KCNT2: variants seen among roughly 807,000 people sequenced by gnomAD.
KCNT2 encodes potassium channel subfamily T member 2.
Under a neutral mutation model 153.8 loss-of-function variants are expected in KCNT2, and 67 were observed. The observed-to-expected ratio is 0.44, with a 90% confidence interval of 0.36 to 0.53. KCNT2 has a LOEUF of 0.53. Ranked by LOEUF, KCNT2 falls within the 20% of genes least tolerant of loss-of-function variation. KCNT2 has a pLI of 0.00. For synonymous variants in KCNT2, 500 were observed against 458.8 expected (o/e 1.09, Z -1.15); for missense variants, 975 against 1,354.8 (o/e 0.72, Z 4.40).
At chr1:196,296,008 A>G (rs1660646972) in intron 22 of KCNT2, among the ~76,000 whole-genome samples, 1 of 152,006 alleles carries the variant, frequency 6.6e-6, no homozygotes, top group Non-Finnish European at 1.5e-5. Context: ...ATACACCAAA[A>G]CTGCTCCATA....
chr1:196,323,241 T>A (rs923918965), intron 19 of KCNT2, among the ~76,000 whole-genome samples: 1 of 151,978 alleles, frequency 6.6e-6, no homozygotes, highest in East Asian at 1.9e-4. Context: ...CTTGGCACCA[T>A]ATGTGGAAAG....
At chr1:196,304,024 T>C (rs1021834215) in intron 22 of KCNT2, among the ~76,000 whole-genome samples, 2 of 152,184 alleles carry the variant, frequency 1.3e-5, no homozygotes, top group African/African-American at 4.8e-5. Flanking sequence ...CCTTGCTGAA[T>C]TGAACTGGTA....
At chr1:196,259,582 A>G (rs1656821447) in intron 25 of KCNT2, 1 of 152,044 alleles carries the variant, frequency 6.6e-6, no homozygotes. Context: ...TAGAATTTAA[A>G]TTACCAATTT....
At chr1:196,295,154 A>G (rs1660564221) in intron 22 of KCNT2, among the ~76,000 whole-genome samples, 1 of 151,580 alleles carries the variant, frequency 6.6e-6, no homozygotes, top group Admixed American at 6.6e-5. Context: ...ATATGTATAT[A>G]TGTGTATATA....
chr1:196,595,365 T>G (rs376504435), intron 1 of KCNT2, among the ~76,000 whole-genome samples: 1 of 152,120 alleles, frequency 6.6e-6, no homozygotes, highest in East Asian at 1.9e-4. Flanking sequence ...TAGCTTGAGG[T>G]TATTCATATG....
At chr1:196,378,792 T>C (rs111659768) in intron 13 of KCNT2, among the ~76,000 whole-genome samples, 11,422 of 147,746 alleles carry the variant, frequency 0.077, 497 homozygotes, top group South Asian at 0.12. Context: ...ATATAATATG[T>C]AAACAACATT....
intron 8 of KCNT2, among the ~76,000 whole-genome samples, chr1:196,446,941 C>G (rs771063296): frequency 6.6e-5 from 10 of 151,494 alleles, no homozygotes; most frequent in Non-Finnish European, 1.2e-4. Context: ...AAATGTAGAT[C>G]TATAAAGTTT....
At chr1:196,472,742 C>T (rs568371715) in intron 5 of KCNT2, among the ~76,000 whole-genome samples, 1 of 152,188 alleles carries the variant, frequency 6.6e-6, no homozygotes, top group East Asian at 1.9e-4. Flanking sequence ...TATAATTATA[C>T]TATAATTTAT....
intron 18 of KCNT2, 107 bp from the exon 19 acceptor site, chr1:196,326,996 C>T (rs1373472664): frequency 1.6e-6 from 1 of 637,536 alleles, no homozygotes; most frequent in East Asian, 3.1e-5. Flanking sequence ...AATGTAAATC[C>T]TTATTTTCTA....
At chr1:196,567,948 G>A (rs909812798) in intron 1 of KCNT2, among the ~76,000 whole-genome samples, 5 of 152,018 alleles carry the variant, frequency 3.3e-5, no homozygotes, top group Non-Finnish European at 5.9e-5. Context: ...ACAATTCTTA[G>A]CAGCTCTAAT....
At chr1:196,297,662 T>C (rs1660798728) in intron 22 of KCNT2, among the ~76,000 whole-genome samples, 1 of 152,186 alleles carries the variant, frequency 6.6e-6, no homozygotes, top group Non-Finnish European at 1.5e-5. Context: ...TATTTTTGGA[T>C]GAATATAGAG....
At chr1:196,583,447 C>T (rs1465314397) in intron 1 of KCNT2, among the ~76,000 whole-genome samples, 3 of 151,984 alleles carry the variant, frequency 2.0e-5, no homozygotes, top group African/African-American at 7.2e-5. Flanking sequence ...AGTTTTAGAG[C>T]TCTGCACAGA....
intron 14 of KCNT2, among the ~76,000 whole-genome samples, chr1:196,362,270 C>G (rs527731814): frequency 6.6e-6 from 1 of 152,208 alleles, no homozygotes; most frequent in African/African-American, 2.4e-5. Context: ...TCCTGTCTTC[C>G]TGTCATTACC....
intron 1 of KCNT2, among the ~76,000 whole-genome samples, chr1:196,583,066 C>T (rs1038946692): frequency 6.6e-6 from 1 of 152,000 alleles, no homozygotes; most frequent in African/African-American, 2.4e-5. Context: ...GGTTGTTATT[C>T]ATTCCAGAGA....
At chr1:196,356,152 GT>G (rs1667156931) in intron 14 of KCNT2, among the ~76,000 whole-genome samples, 1 of 151,550 alleles carries the variant, frequency 6.6e-6, no homozygotes, top group East Asian at 1.9e-4. Context: ...GTCTCTCCAT[GT>G]TGTCATTTGA....
chr1:196,477,800 A>G (rs1678669032), intron 5 of KCNT2, among the ~76,000 whole-genome samples: 1 of 152,164 alleles, frequency 6.6e-6, no homozygotes, highest in Admixed American at 6.5e-5. Flanking sequence ...GAATTTAAGC[A>G]TCTCCATCAA....
chr1:196,374,334 C>A (rs529519930), intron 13 of KCNT2, among the ~76,000 whole-genome samples: 3 of 151,896 alleles, frequency 2.0e-5, no homozygotes, highest in East Asian at 3.9e-4. Context: ...TTAGCAAATG[C>A]TCTGGACAAA....
intron 21 of KCNT2, among the ~76,000 whole-genome samples, chr1:196,308,137 G>T (rs1340110101): frequency 6.6e-6 from 1 of 151,530 alleles, no homozygotes; most frequent in Non-Finnish European, 1.5e-5. Context: ...CGGATCTAAG[G>T]TTCTCCTCTT....
intron 1 of KCNT2, among the ~76,000 whole-genome samples, chr1:196,583,141 A>T (rs1662268613): frequency 6.6e-6 from 1 of 152,092 alleles, no homozygotes; most frequent in African/African-American, 2.4e-5. Context: ...ACCTCTCAAG[A>T]GTTCAGATGA....
Sources: allele counts gnomAD v4.1 joint callset (sites outside exome capture counted in the v4.1 genomes callset), GRCh38; gene constraint gnomAD v4.1.1; transcripts MANE v1.5; gene names NCBI Gene and HGNC (gene_info 2026-07-23, HGNC 2026-07-21).